Variants in SORBS2 observed in about 807,000 individuals in gnomAD.
The protein encoded by SORBS2 is sorbin and SH3 domain-containing protein 2.
A neutral mutation model predicts 97.7 loss-of-function variants in SORBS2; 46 were observed. The observed-to-expected ratio is 0.47, with a 90% confidence interval of 0.37 to 0.60. SORBS2 has a LOEUF of 0.60. Ranked by LOEUF, SORBS2 falls within the 20% of genes least tolerant of loss-of-function variation. The pLI, the probability that SORBS2 is intolerant of heterozygous loss-of-function variation, is 0.00. For missense variants in SORBS2, 1,316 were observed against 1,282.3 expected, an observed-to-expected ratio of 1.03 and a Z score of -0.40; for synonymous variants, 476 against 473.4, an observed-to-expected ratio of 1.01 and a Z score of -0.07.
At chr4:185,815,805 C>A (rs2099192941) in intron 1 of SORBS2, among the ~76,000 whole-genome samples, 1 of 152,118 alleles carries the variant, frequency 6.6e-6, no homozygotes, top group African/African-American at 2.4e-5. Flanking sequence ...ATGCTAACAC[C>A]TGATGAATCT....
chr4:185,719,364 C>A (rs1329231405), intron 2 of SORBS2, among the ~76,000 whole-genome samples: 2 of 152,186 alleles, frequency 1.3e-5, no homozygotes, highest in South Asian at 2.1e-4. Context: ...ATTAAATGTG[C>A]TCAGGCTAGG....
Position 185,622,917 on chromosome 4 carries a change from GGA to G in SORBS2, c.2210_2211del (p.Leu737ProfsTer4). The G allele has an allele frequency of 6.2e-7, 1 of 1,604,064 alleles. No individual in the cohort carries two copies. Among genetic ancestry groups the G allele is most frequent in the Non-Finnish European group, 8.5e-7 (1 of 1,174,450 alleles). ...AAAGAAAGAAAAGCTCATCCACCTT[GGA>G]GTGCACCGCCACGGTCTTGGTGGTG... On this transcript the variant is annotated frameshift_variant, in exon 7 of 15. Coordinates refer to ENST00000418609, the Ensembl canonical transcript of SORBS2. LOFTEE classifies it high-confidence loss of function.
chr4:185,839,553 C>G (rs528729583), intron 1 of SORBS2, among the ~76,000 whole-genome samples: 11 of 152,086 alleles, frequency 7.2e-5, no homozygotes, highest in Non-Finnish European at 1.2e-4. Flanking sequence ...TGAGCGCTCC[C>G]TAGGGAGGAG....
intron 1 of SORBS2, among the ~76,000 whole-genome samples, chr4:185,789,720 C>T (rs1236797167): frequency 1.3e-5 from 2 of 151,944 alleles, no homozygotes; most frequent in Admixed American, 6.6e-5. Flanking sequence ...TCAAGAGAGA[C>T]ATTATAACTT....
At chr4:185,711,515 G>A (rs1304135490) in intron 2 of SORBS2, among the ~76,000 whole-genome samples, 3 of 152,190 alleles carry the variant, frequency 2.0e-5, no homozygotes, top group Non-Finnish European at 4.4e-5. Flanking sequence ...AGTTCTAAGT[G>A]TCAAAGTGCC....
chr4:185,630,574 C>T (rs760604818), exon 5 of SORBS2: 1 of 1,598,998 alleles, frequency 6.3e-7, no homozygotes, highest in Non-Finnish European at 8.5e-7. Flanking sequence ...AGGCTTCTGT[C>T]TATAGAGGAC....
intron 2 of SORBS2, among the ~76,000 whole-genome samples, chr4:185,767,140 C>T (rs1366643557): frequency 6.6e-6 from 1 of 152,028 alleles, no homozygotes; most frequent in East Asian, 1.9e-4. Context: ...GTACAGAAAG[C>T]CAAAACTTAG....
intron 1 of SORBS2, among the ~76,000 whole-genome samples, chr4:185,897,424 A>G (rs957598842): frequency 6.6e-6 from 1 of 152,204 alleles, no homozygotes; most frequent in Non-Finnish European, 1.5e-5. Context: ...GTCCAATCCT[A>G]TGCCTACACA....
intron 2 of SORBS2, among the ~76,000 whole-genome samples, chr4:185,696,039 C>T (rs188899849): frequency 5.4e-4 from 82 of 152,222 alleles, no homozygotes; most frequent in Admixed American, 8.5e-4. Context: ...GAATTACCCG[C>T]GGCATCTATT....
chr4:185,827,940 ATCATCATCATCATCG>A (rs2099202719), intron 1 of SORBS2, among the ~76,000 whole-genome samples: 1 of 138,744 alleles, frequency 7.2e-6, no homozygotes, highest in African/African-American at 2.9e-5. Flanking sequence ...CATCACCATC[ATCATCATCATCATCG>A]TCACCATCAT....
intron 1 of SORBS2, among the ~76,000 whole-genome samples, chr4:185,907,862 A>G (rs1273783775): frequency 6.6e-6 from 1 of 152,148 alleles, no homozygotes; most frequent in Admixed American, 6.5e-5. Context: ...TTAAAGATTC[A>G]TTAGACCTAT....
intron 1 of SORBS2, among the ~76,000 whole-genome samples, chr4:185,891,937 G>A (rs1435684407): frequency 6.6e-6 from 1 of 151,866 alleles, no homozygotes; most frequent in African/African-American, 2.4e-5. Flanking sequence ...CGGGTTCAAG[G>A]GATTCCCCTG....
At chr4:185,634,323 T>A (rs1350189011) in intron 4 of SORBS2, among the ~76,000 whole-genome samples, 1 of 152,190 alleles carries the variant, frequency 6.6e-6, no homozygotes, top group Non-Finnish European at 1.5e-5. Flanking sequence ...ACTGGTTGTG[T>A]TTCCCAGTTG....
chr4:185,761,999 A>G (rs910364413), intron 2 of SORBS2, among the ~76,000 whole-genome samples: 3 of 152,224 alleles, frequency 2.0e-5, no homozygotes, highest in Non-Finnish European at 4.4e-5. Context: ...TTATTTTGGC[A>G]AGATAACTCA....
chr4:185,604,514 A>T (rs1030483360), intron 12 of SORBS2, among the ~76,000 whole-genome samples: 1 of 152,178 alleles, frequency 6.6e-6, no homozygotes, highest in Non-Finnish European at 1.5e-5. Context: ...TGCTCTCCCG[A>T]AGAAAATGAC....
At chr4:185,877,704 T>TA (rs920152826) in intron 1 of SORBS2, among the ~76,000 whole-genome samples, 43 of 150,946 alleles carry the variant, frequency 2.8e-4, no homozygotes, top group Middle Eastern at 6.8e-3. Context: ...CCGTCTGTAC[T>TA]AAAAAAAATA....
intron 4 of SORBS2, among the ~76,000 whole-genome samples, chr4:185,640,472 G>C (rs1388318071): frequency 6.6e-6 from 1 of 152,072 alleles, no homozygotes; most frequent in Non-Finnish European, 1.5e-5. Context: ...CCTACTATTA[G>C]ACATAGGAAA....
intron 12 of SORBS2, among the ~76,000 whole-genome samples, chr4:185,603,362 C>A (rs2096316980): frequency 6.6e-6 from 1 of 152,098 alleles, no homozygotes; most frequent in South Asian, 2.1e-4. Context: ...TTATTTAAAA[C>A]ATTTCCTAAT....
Position 185,884,214 on chromosome 4 carries a change from A to C in SORBS2, c.-338+71982T>G, listed in dbSNP as rs764631938. 2.6e-5 allele frequency among the ~76,000 whole-genome samples: 4 copies of C among 152,262 alleles called. No homozygotes were observed. The East Asian group carries it at 5.8e-4, about 22-fold the overall frequency. ...TATACCTCAATAAACCTGACTATAA[A>C]ATTAAATTGGCATGTTTATAGATCC... On this transcript the variant is annotated intron_variant, in intron 1 of 20. Transcript: ENST00000284776.
Sources: allele counts gnomAD v4.1 joint callset (sites outside exome capture counted in the v4.1 genomes callset), GRCh38; gene constraint gnomAD v4.1.1; transcripts MANE v1.5; gene names NCBI Gene and HGNC (gene_info 2026-07-23, HGNC 2026-07-21).